The following LRRC4C variants were observed in gnomAD, a reference collection of about 807,000 sequenced individuals.
LRRC4C encodes the protein leucine rich repeat containing 4C, also known as leucine-rich repeat-containing protein 4C.
LRRC4C carries 5 observed loss-of-function variants against 33.6 expected under a neutral mutation model. That is an observed-to-expected ratio of 0.15 (90% CI 0.08 to 0.31). The LOEUF is 0.31. Ranked by LOEUF, LRRC4C falls within the 10% of genes least tolerant of loss-of-function variation. The pLI is 1.00. For synonymous variants in LRRC4C, 329 were observed against 302.0 expected, an observed-to-expected ratio of 1.09 and a Z score of -0.93; for missense variants, 560 against 796.7, an observed-to-expected ratio of 0.70 and a Z score of 3.58.
chr11:40,183,947 G>T (rs980469554), intron 5 of LRRC4C, among the ~76,000 whole-genome samples: 12 of 152,192 alleles, frequency 7.9e-5, no homozygotes, highest in Non-Finnish European at 1.8e-4. Flanking sequence ...TCCTGAAAAA[G>T]ACAATAATAT....
chr11:40,865,721 C>T (rs538440352), intron 2 of LRRC4C, among the ~76,000 whole-genome samples: 1 of 151,664 alleles, frequency 6.6e-6, no homozygotes, highest in African/African-American at 2.4e-5. Context: ...TTGAAGAATA[C>T]CAAGAAGATA....
At chr11:41,156,297 A>T (rs1944230372) in intron 1 of LRRC4C, among the ~76,000 whole-genome samples, 1 of 152,128 alleles carries the variant, frequency 6.6e-6, no homozygotes, top group Non-Finnish European at 1.5e-5. Flanking sequence ...TATCACTGTA[A>T]CTGTAATCTA....
intron 3 of LRRC4C, among the ~76,000 whole-genome samples, chr11:40,408,770 A>C (rs929792056): frequency 1.3e-5 from 2 of 151,984 alleles, no homozygotes; most frequent in Non-Finnish European, 2.9e-5. Context: ...ATTGAAGAAG[A>C]CATAAAAAAT....
At chr11:40,781,984 C>T (rs142019886) in intron 2 of LRRC4C, among the ~76,000 whole-genome samples, 1 of 152,234 alleles carries the variant, frequency 6.6e-6, no homozygotes, top group African/African-American at 2.4e-5. Context: ...ACAAAAGAAC[C>T]ATTAGCTTTC....
intron 3 of LRRC4C, among the ~76,000 whole-genome samples, chr11:40,340,940 T>G (rs374197687): frequency 6.6e-6 from 1 of 152,182 alleles, no homozygotes; most frequent in African/African-American, 2.4e-5. Context: ...CTACCAGTAA[T>G]CTCGACCTCA....
At chr11:40,515,035 G>T (rs1955507043) in intron 3 of LRRC4C, among the ~76,000 whole-genome samples, 1 of 151,976 alleles carries the variant, frequency 6.6e-6, no homozygotes, top group South Asian at 2.1e-4. Context: ...AAGTGAAAAT[G>T]ATTCAATTTT....
At chr11:40,234,754 G>C (rs1254201727) in intron 5 of LRRC4C, among the ~76,000 whole-genome samples, 2 of 152,192 alleles carry the variant, frequency 1.3e-5, no homozygotes, top group Admixed American at 6.5e-5. Context: ...CTGGCCAACA[G>C]AGAGAAACCC....
intron 3 of LRRC4C, among the ~76,000 whole-genome samples, chr11:40,340,804 CA>C (rs1156845545): frequency 6.6e-6 from 1 of 152,000 alleles, no homozygotes; most frequent in Non-Finnish European, 1.5e-5. Flanking sequence ...TCACTAAAGA[CA>C]AAGGGATATG....
At chr11:41,297,526 A>G (rs1414334869) in intron 1 of LRRC4C, among the ~76,000 whole-genome samples, 1 of 152,214 alleles carries the variant, frequency 6.6e-6, no homozygotes, top group Non-Finnish European at 1.5e-5. Context: ...AAGTCACCTT[A>G]GTATTGAATA....
intron 3 of LRRC4C, among the ~76,000 whole-genome samples, chr11:40,510,052 C>A (rs184354177): frequency 6.6e-6 from 1 of 152,164 alleles, no homozygotes; most frequent in African/African-American, 2.4e-5. Context: ...TGCTTTTCCA[C>A]TCCAGTTATG....
intron 1 of LRRC4C, among the ~76,000 whole-genome samples, chr11:40,935,382 C>T (rs1235407329): frequency 6.6e-6 from 1 of 152,100 alleles, no homozygotes; most frequent in Non-Finnish European, 1.5e-5. Context: ...AAAACAGAGC[C>T]ATGTCTGCTT....
intron 2 of LRRC4C, among the ~76,000 whole-genome samples, chr11:40,723,572 T>G (rs939278816): frequency 6.6e-6 from 1 of 152,164 alleles, no homozygotes; most frequent in African/African-American, 2.4e-5. Context: ...TGAAATTTGT[T>G]ACCACTAGAC....
intron 1 of LRRC4C, among the ~76,000 whole-genome samples, chr11:41,092,093 C>G (rs545895641): frequency 1.7e-3 from 258 of 152,078 alleles, no homozygotes; most frequent in African/African-American, 6.0e-3. Flanking sequence ...ACAATAAAAA[C>G]GTATTATTTG....
rs571980021 is a variant in LRRC4C at position 41,235,507 on chromosome 11, T to C, written c.-496+223924A>G. Among the ~76,000 whole-genome samples, 10 of 152,214 alleles carry C rather than the reference T, an allele frequency of 6.6e-5. 1 individual carries two copies. Among genetic ancestry groups the C allele is most frequent in the Admixed American group, 2.6e-4 (4 of 15,278 alleles). On this transcript the variant is annotated intron_variant, in intron 1 of 6. Transcript: ENST00000528697. ...CTTAGTAGGCAAGCAACATTAAAAATTATACATTTGAAATTTGCCAAATTG... is the reference window on the plus strand; with the variant it reads ...CTTAGTAGGCAAGCAACATTAAAAACTATACATTTGAAATTTGCCAAATTG...
intron 1 of LRRC4C, among the ~76,000 whole-genome samples, chr11:41,317,645 T>C (rs890029255): frequency 3.3e-5 from 5 of 152,072 alleles, no homozygotes; most frequent in African/African-American, 1.2e-4. Flanking sequence ...TTGTCATCAT[T>C]CAGTAATACT....
At chr11:40,155,534 C>G (rs1362489791) in intron 5 of LRRC4C, among the ~76,000 whole-genome samples, 1 of 151,972 alleles carries the variant, frequency 6.6e-6, no homozygotes, top group Non-Finnish European at 1.5e-5. Context: ...TTACAACTGA[C>G]ACCACTGAAA....
chr11:40,965,313 T>C (rs1240739460), intron 1 of LRRC4C, among the ~76,000 whole-genome samples: 1 of 152,176 alleles, frequency 6.6e-6, no homozygotes, highest in Non-Finnish European at 1.5e-5. Context: ...TCCCATTCTG[T>C]AGGTTGCCTG....
At chr11:41,060,515 CT>C (rs1218800839) in intron 1 of LRRC4C, among the ~76,000 whole-genome samples, 1 of 152,040 alleles carries the variant, frequency 6.6e-6, no homozygotes, top group African/African-American at 2.4e-5. Context: ...CACATATGTC[CT>C]TTTCTAGGTG....
At chr11:40,892,890 T>C (rs1955783586) in intron 2 of LRRC4C, among the ~76,000 whole-genome samples, 1 of 152,194 alleles carries the variant, frequency 6.6e-6, no homozygotes, top group Admixed American at 6.5e-5. Flanking sequence ...TTATAATGTA[T>C]TTAATGTCAC....
Sources: gnomAD v4.1 joint callset for allele counts (sites outside exome capture counted in the v4.1 genomes callset) on GRCh38, gnomAD v4.1.1 for gene constraint, MANE v1.5 for transcripts, NCBI Gene and HGNC (gene_info 2026-07-23, HGNC 2026-07-21) for gene names.